MICU1: variants seen among roughly 807,000 people sequenced by gnomAD.
MICU1 encodes the protein calcium uptake protein 1, mitochondrial.
In MICU1, 45 loss-of-function variants were observed where a neutral mutation model predicts 56.8. That is an observed-to-expected ratio of 0.79 (90% CI 0.62 to 1.02). MICU1 has a LOEUF of 1.02. Among genes scored for constraint, MICU1 ranks in the 50% least tolerant of loss-of-function variants. The pLI is 0.00. For missense variants in MICU1, 504 were observed against 587.1 expected (o/e 0.86, Z 1.46); for synonymous variants, 186 against 195.1 (o/e 0.95, Z 0.39).
At chr10:72,374,808 CTTTTTTTTTT>C (rs34228174) in intron 11 of MICU1, among the ~76,000 whole-genome samples, 23 of 77,230 alleles carry the variant, frequency 3.0e-4, no homozygotes, top group Admixed American at 6.7e-4. Context: ...CTACTATTAT[CTTTTTTTTTT>C]TTTTTTTTTT....
At chr10:72,505,885 A>G (rs1867230828) in intron 6 of MICU1, among the ~76,000 whole-genome samples, 1 of 152,090 alleles carries the variant, frequency 6.6e-6, no homozygotes, top group Admixed American at 6.5e-5. Flanking sequence ...TGGGAGATGA[A>G]ATCATTCATA....
intron 1 of MICU1, among the ~76,000 whole-genome samples, chr10:72,603,444 G>A (rs1161258706): frequency 5.3e-5 from 8 of 151,460 alleles, no homozygotes; most frequent in Non-Finnish European, 8.8e-5. Flanking sequence ...TTAAGGATGC[G>A]GCCTGGACAA....
At chr10:72,374,114 T>C (rs1205290029) in intron 11 of MICU1, among the ~76,000 whole-genome samples, 1 of 152,202 alleles carries the variant, frequency 6.6e-6, no homozygotes, top group African/African-American at 2.4e-5. Context: ...TGGAGATTTA[T>C]TTTATTTATT....
Position 72,475,088 on chromosome 10 carries a change from A to G in MICU1, c.933+12T>C. On this transcript the variant is annotated intron_variant, in intron 8 of 11. Transcript: ENST00000361114. The stretch of plus-strand genomic sequence containing the variant: ...ACATGTGATGGATCTACTGAGTCTA[A>G]GGAAGACCTACCTCAAGCTTCAGAA... The G allele has an allele frequency of 6.2e-7, 1 of 1,602,208 alleles. No homozygotes were observed. The highest frequency in any genetic ancestry group is 8.5e-7 in the Non-Finnish European group (1 of 1,173,946).
chr10:72,484,989 C>T (rs1866420356), intron 6 of MICU1, among the ~76,000 whole-genome samples: 1 of 152,120 alleles, frequency 6.6e-6, no homozygotes, highest in Non-Finnish European at 1.5e-5. Context: ...CTTTGAGTTA[C>T]AAGGGCAGAA....
At chr10:72,464,575 C>CTATACCATATAGCCTATGGTATACCTA (rs1348340550) in intron 8 of MICU1, among the ~76,000 whole-genome samples, 16 of 152,104 alleles carry the variant, frequency 1.1e-4, no homozygotes, top group South Asian at 2.1e-4. Flanking sequence ...AAGCAATAGG[C>CTATACCATATAGCCTATGGTATACCTA]TATACCATAT....
chr10:72,614,801 G>A (rs574317690), intron 1 of MICU1, among the ~76,000 whole-genome samples: 1 of 152,316 alleles, frequency 6.6e-6, no homozygotes, highest in Admixed American at 6.5e-5. Context: ...TGAGTATGGG[G>A]TTTCAGTTTG....
chr10:72,491,207 A>G (rs1380434115), intron 6 of MICU1, among the ~76,000 whole-genome samples: 1 of 152,246 alleles, frequency 6.6e-6, no homozygotes, highest in Non-Finnish European at 1.5e-5. Flanking sequence ...TTATTTTGCA[A>G]TAAGCCCCAA....
chr10:72,436,052 C>T (rs546529079), intron 8 of MICU1, among the ~76,000 whole-genome samples: 2 of 152,340 alleles, frequency 1.3e-5, no homozygotes, highest in South Asian at 4.1e-4. Context: ...CCCAGCACGG[C>T]GTTTGAGCTC....
rs559346067 is a variant in MICU1, at chr10:72,523,697, G to C, written c.537+10049C>G. 1,039 of 712,362 alleles carry C rather than the reference G, an allele frequency of 1.5e-3. 2 individuals are homozygous for C. The highest frequency in any genetic ancestry group is 1.9e-3 in the Non-Finnish European group (955 of 497,956). 44.1% of individuals were successfully genotyped at this position (712,362 alleles called of 1,614,324 possible). ...CAGTTTAATTTATATTTTTAAGACTGCCAGCCACCAGAAATGTGAGAGTAA... is the reference window on the plus strand; with the variant it reads ...CAGTTTAATTTATATTTTTAAGACTCCCAGCCACCAGAAATGTGAGAGTAA... On this transcript the variant is annotated intron_variant, in intron 5 of 11. Coordinates refer to ENST00000361114, the MANE Select transcript of MICU1 (RefSeq NM_001195518.2).
chr10:72,621,862 A>G (rs1334451622), intron 1 of MICU1, among the ~76,000 whole-genome samples: 1 of 152,206 alleles, frequency 6.6e-6, no homozygotes, highest in Non-Finnish European at 1.5e-5. Flanking sequence ...AAATCAACAC[A>G]TAAACTGTAA....
chr10:72,591,059 C>T (rs1254706744), intron 1 of MICU1, among the ~76,000 whole-genome samples: 4 of 151,822 alleles, frequency 2.6e-5, no homozygotes, highest in Admixed American at 6.6e-5. Context: ...GACCACAACA[C>T]GATAAAGTTA....
At chr10:72,474,258 C>CAAAAAAAAAAAAAAAAAAAAA (rs55978543) in intron 8 of MICU1, among the ~76,000 whole-genome samples, 1 of 60,730 alleles carries the variant, frequency 1.6e-5, no homozygotes, top group Non-Finnish European at 2.8e-5. Context: ...AGGACTGTCT[C>CAAAAAAAAAAAAAAAAAAAAA]AAAAAAAAAA....
At chr10:72,405,351 C>G (rs1837001249) in intron 10 of MICU1, among the ~76,000 whole-genome samples, 1 of 152,050 alleles carries the variant, frequency 6.6e-6, no homozygotes. Context: ...TCCTGAGTAG[C>G]TGGGATTACA....
At position 72,576,225 on chromosome 10, in the gene MICU1, C is replaced by CAAAAA. The variant is rs34829939; in HGVS notation, c.-1-9436_-1-9432dup. Reference sequence around the variant, plus strand: ...GTCAAACTCCGTCTCAAAAAAACACCAAAAAAAAAAAAAAAAAAAAAAAGC... The same window carrying CAAAAA: ...GTCAAACTCCGTCTCAAAAAAACACCAAAAAAAAAAAAAAAAAAAAAAAAAAAAGC... On this transcript the variant is annotated intron_variant, in intron 1 of 11. Transcript: ENST00000361114. Among the ~76,000 whole-genome samples, 62 of 68,094 alleles carry CAAAAA rather than the reference C, an allele frequency of 9.1e-4. 1 individual carries two copies. The highest frequency in any genetic ancestry group is 1.1e-3 in the Non-Finnish European group (41 of 38,236). 44.7% of individuals were successfully genotyped at this position (68,094 alleles called of 152,430 possible).
intron 5 of MICU1, among the ~76,000 whole-genome samples, chr10:72,511,309 A>G (rs1867440919): frequency 6.6e-6 from 1 of 152,182 alleles, no homozygotes; most frequent in South Asian, 2.1e-4. Context: ...CAAAATACAC[A>G]CTGAACACCA....
intron 10 of MICU1, among the ~76,000 whole-genome samples, chr10:72,384,254 C>T (rs1862817060): frequency 6.6e-6 from 1 of 152,162 alleles, no homozygotes; most frequent in Non-Finnish European, 1.5e-5. Context: ...CTTGGCCTCC[C>T]AAAGTGCTGG....
Position 72,593,687 on chromosome 10 carries a change from C to T in MICU1, c.-1-26893G>A, listed in dbSNP as rs76177341. On this transcript the variant is annotated intron_variant, in intron 1 of 11. Coordinates refer to ENST00000361114, the MANE Select transcript of MICU1 (RefSeq NM_001195518.2). ...ATTCAGCAAGATGTTTTGCAGGATA[C>T]AAAGTCAATATGCAAAACTGAACTG... is the stretch of plus-strand genomic sequence containing the variant. Among the ~76,000 whole-genome samples the T allele has an allele frequency of 8.6e-3, 1,301 of 152,142 alleles. 19 individuals carry two copies. Among genetic ancestry groups the T allele is most frequent in the African/African-American group, 0.03 (1,228 of 41,518 alleles).
intron 8 of MICU1, among the ~76,000 whole-genome samples, chr10:72,460,722 A>C (rs1356679300): frequency 6.6e-6 from 1 of 151,556 alleles, no homozygotes; most frequent in Non-Finnish European, 1.5e-5. Flanking sequence ...GACTTCCCAG[A>C]CTCCTCCAAG....
Sources: gnomAD v4.1 joint callset for allele counts (sites outside exome capture counted in the v4.1 genomes callset) on GRCh38, gnomAD v4.1.1 for gene constraint, MANE v1.5 for transcripts, NCBI Gene and HGNC (gene_info 2026-07-23, HGNC 2026-07-21) for gene names.